The following SLC38A12 variants were observed in gnomAD, a reference collection of about 807,000 sequenced individuals.
The protein encoded by SLC38A12 is putative sodium-coupled neutral amino acid transporter 12.
At chr17:74,819,981 C>T in the SLC38A12 span, 1 of 721,162 alleles carries the variant, frequency 1.4e-6, no homozygotes, top group Non-Finnish European at 2.3e-6. Context: ...CTGTCTGGTC[C>T]TCCCACCTTT....
chr17:74,821,867 A>G, the SLC38A12 span, among the ~76,000 whole-genome samples: 7 of 152,276 alleles, frequency 4.6e-5, no homozygotes, highest in Admixed American at 3.3e-4. Flanking sequence ...GGAGGGGGAA[A>G]GGGCCCCGTG....
chr17:74,793,368 A>G, the SLC38A12 span, among the ~76,000 whole-genome samples: 1 of 152,164 alleles, frequency 6.6e-6, no homozygotes, highest in African/African-American at 2.4e-5. Context: ...CTGGGAGGCA[A>G]AATCACCCCA....
chr17:74,825,140 A>G, the SLC38A12 span, among the ~76,000 whole-genome samples: 1 of 151,948 alleles, frequency 6.6e-6, no homozygotes, highest in Non-Finnish European at 1.5e-5. Flanking sequence ...ACCCCCCAAA[A>G]TGCCCCCTGT....
At chr17:74,809,454 G>A in the SLC38A12 span, among the ~76,000 whole-genome samples, 16 of 152,068 alleles carry the variant, frequency 1.1e-4, no homozygotes, top group Non-Finnish European at 2.1e-4. Flanking sequence ...TGTCCCTCCC[G>A]TGCTGTCCAG....
At chr17:74,778,098 A>C in the SLC38A12 span, among the ~76,000 whole-genome samples, 1 of 152,224 alleles carries the variant, frequency 6.6e-6, no homozygotes, top group Non-Finnish European at 1.5e-5. Flanking sequence ...CGTAAGAAGC[A>C]GCGAAAGCAT....
the SLC38A12 span, among the ~76,000 whole-genome samples, chr17:74,793,509 C>T: frequency 1.3e-5 from 2 of 152,282 alleles, no homozygotes; most frequent in South Asian, 2.1e-4. Context: ...ATCAGAAATG[C>T]GGGCCTAGCC....
chr17:74,810,526 A>C, the SLC38A12 span, among the ~76,000 whole-genome samples: 1 of 152,198 alleles, frequency 6.6e-6, no homozygotes, highest in Non-Finnish European at 1.5e-5. Context: ...GCCTGTCCTC[A>C]TCTCTCACTC....
chr17:74,838,661 T>C, the SLC38A12 span: 2 of 1,403,140 alleles, frequency 1.4e-6, no homozygotes, highest in Non-Finnish European at 1.9e-6. Flanking sequence ...GCTGCTTTGC[T>C]CCTCAGTGTC....
chr17:74,821,842 G>A, the SLC38A12 span, among the ~76,000 whole-genome samples: 5 of 152,266 alleles, frequency 3.3e-5, no homozygotes, highest in African/African-American at 9.6e-5. Context: ...CACTTGACCC[G>A]CCCCTCAGCA....
the SLC38A12 span, among the ~76,000 whole-genome samples, chr17:74,794,710 C>T: frequency 1.3e-5 from 2 of 151,886 alleles, no homozygotes; most frequent in African/African-American, 2.4e-5. Context: ...CCCAGCCATG[C>T]CAAGACTCAC....
At chr17:74,799,393 G>C in the SLC38A12 span, among the ~76,000 whole-genome samples, 1 of 152,246 alleles carries the variant, frequency 6.6e-6, no homozygotes, top group South Asian at 2.1e-4. Context: ...TTCGTGGGCT[G>C]CCCTGGGACA....
At chr17:74,790,412 G>T in the SLC38A12 span, 3 of 923,798 alleles carry the variant, frequency 3.2e-6, no homozygotes, top group South Asian at 1.3e-5. Flanking sequence ...CTGCCCCTGG[G>T]TTCTGAGGCA....
chr17:74,798,518 C>T, the SLC38A12 span, among the ~76,000 whole-genome samples: 4,198 of 152,320 alleles, frequency 0.028, 202 homozygotes, highest in African/African-American at 0.095. Context: ...CTTCCCGGCG[C>T]GGCTGATATG....
the SLC38A12 span, chr17:74,836,325 C>T: frequency 3.2e-5 from 52 of 1,612,828 alleles, no homozygotes; most frequent in African/African-American, 4.0e-5. This position sits in a 1 kb window ranked among gnomAD's most constrained non-coding sequence, Gnocchi z 4.2. Context: ...CGTGACCCTG[C>T]GCAACAACTG....
the SLC38A12 span, among the ~76,000 whole-genome samples, chr17:74,799,279 G>A: frequency 6.6e-6 from 1 of 152,238 alleles, no homozygotes; most frequent in Non-Finnish European, 1.5e-5. Context: ...GTCGCAGGTG[G>A]CCCGGCAGGC....
chr17:74,813,908 G>T, the SLC38A12 span, among the ~76,000 whole-genome samples: 1 of 152,172 alleles, frequency 6.6e-6, no homozygotes, highest in Non-Finnish European at 1.5e-5. Context: ...CAAAGTCTTA[G>T]TTCCAGTTGG....
chr17:74,811,881 TAATA>T, the SLC38A12 span, among the ~76,000 whole-genome samples: 7 of 151,952 alleles, frequency 4.6e-5, no homozygotes, highest in South Asian at 2.1e-4. Flanking sequence ...AAAAAAATAA[TAATA>T]ATAATAATTA....
the SLC38A12 span, chr17:74,790,299 A>G: frequency 6.2e-7 from 1 of 1,613,640 alleles, no homozygotes; most frequent in Non-Finnish European, 8.5e-7. Flanking sequence ...GTCTGTGCGT[A>G]AGTCTTGGGG....
At chr17:74,837,347 G>A in the SLC38A12 span, 1 of 985,532 alleles carries the variant, frequency 1.0e-6, no homozygotes, top group Non-Finnish European at 1.2e-6. Flanking sequence ...GAGCTCCGGA[G>A]TAGCAGGCTG....
Sources: gnomAD v4.1 joint callset for allele counts (sites outside exome capture counted in the v4.1 genomes callset) on GRCh38, gnomAD v4.1.1 for gene constraint, Gnocchi (gnomAD v3.1) non-coding constraint, MANE v1.5 for transcripts, NCBI Gene and HGNC (gene_info 2026-07-23, HGNC 2026-07-21) for gene names.